Variants in FHIT observed in about 807,000 individuals in gnomAD.
FHIT encodes bis(5'-adenosyl)-triphosphatase.
Under a neutral mutation model 17.9 loss-of-function variants are expected in FHIT, and 19 were observed. The ratio of observed to expected loss-of-function variants is 1.06; its 90% CI spans 0.74 to 1.56. The LOEUF is 1.56. FHIT is among the 40% of genes most tolerant of loss of function. FHIT has a pLI of 0.00. For missense variants in FHIT, 248 were observed against 189.2 expected (o/e 1.31, Z -1.82); for synonymous variants, 81 against 69.7 (o/e 1.16, Z -0.81).
intron 3 of FHIT, among the ~76,000 whole-genome samples, chr3:60,828,110 A>G (rs1228257921): frequency 6.6e-6 from 1 of 152,186 alleles, no homozygotes; most frequent in East Asian, 1.9e-4. Flanking sequence ...CTATTTGGTA[A>G]AATAAGGATA....
rs74723386 is a variant in FHIT, at chr3:59,871,340, C to T, written c.348+51006G>A. ...TAGATAACCTGAATTTTGCTGTGTG[C>T]GCTATTAATAACTAATATTTGTAAG... On this transcript the variant is annotated intron_variant, in intron 8 of 9. Coordinates refer to ENST00000492590, the MANE Select transcript of FHIT (RefSeq NM_002012.4). Among the ~76,000 whole-genome samples, 34 of 152,146 alleles carry T rather than the reference C, an allele frequency of 2.2e-4. No homozygotes were observed. The East Asian group carries it at 4.3e-3, about 19-fold the overall frequency.
rs1454859845 is a variant in FHIT, at chr3:60,995,567, A to C, written c.-111+46480T>G. Among the ~76,000 whole-genome samples, 3 of 152,124 alleles carry C rather than the reference A, an allele frequency of 2.0e-5. 1 individual carries two copies. The highest frequency in any genetic ancestry group is 2.0e-4 in the Admixed American group (3 of 15,268). On this transcript the variant is annotated intron_variant, in intron 3 of 9. Transcript: ENST00000492590. ...GTCCCAGCGGTCTTTCCCTCTCCCCAGACCGTGACCTGGATGTTATGCAGA... is the reference window on the plus strand; with the variant it reads ...GTCCCAGCGGTCTTTCCCTCTCCCCCGACCGTGACCTGGATGTTATGCAGA...
At chr3:60,950,485 C>T (rs1428849118) in intron 3 of FHIT, among the ~76,000 whole-genome samples, 4,019 of 140,462 alleles carry the variant, frequency 0.029, 181 homozygotes, top group African/African-American at 0.098. Flanking sequence ...GCTTTTTTTT[C>T]TTTTTTTTTT....
rs147953218 is a variant in FHIT at position 60,763,196 on chromosome 3, T to C, written c.-18+58723A>G. Reference sequence around the variant, plus strand: ...CGAGACAGAATGTGTAAAAGTGCTGTGCTGTGTTAAGTTACAAAGCCCAAT... The same window carrying C: ...CGAGACAGAATGTGTAAAAGTGCTGCGCTGTGTTAAGTTACAAAGCCCAAT... On this transcript the variant is annotated intron_variant, in intron 4 of 9. Coordinates refer to ENST00000492590, the MANE Select transcript of FHIT (RefSeq NM_002012.4). Among the ~76,000 whole-genome samples, 664 of 152,246 alleles carry C rather than the reference T, an allele frequency of 4.4e-3. 4 individuals are homozygous for C. Among genetic ancestry groups the C allele is most frequent in the Middle Eastern group, 0.01 (3 of 294 alleles).
At chr3:60,434,593 C>T (rs2030040707) in intron 5 of FHIT, among the ~76,000 whole-genome samples, 1 of 152,014 alleles carries the variant, frequency 6.6e-6, no homozygotes, top group African/African-American at 2.4e-5. Context: ...TGTACATTAC[C>T]TTGTCTCTAT....
intron 3 of FHIT, among the ~76,000 whole-genome samples, chr3:61,007,790 C>T (rs1431577297): frequency 6.6e-6 from 1 of 152,156 alleles, no homozygotes; most frequent in Non-Finnish European, 1.5e-5. Flanking sequence ...GGTGTTGCTG[C>T]CCATCTTCTC....
intron 8 of FHIT, among the ~76,000 whole-genome samples, chr3:59,799,284 G>C (rs1699901009): frequency 6.6e-6 from 1 of 152,156 alleles, no homozygotes. Flanking sequence ...GACTTTGTTT[G>C]ACCTCCCTGA....
chr3:60,976,104 T>TTTC (rs1710232771), intron 3 of FHIT, among the ~76,000 whole-genome samples: 1 of 120,706 alleles, frequency 8.3e-6, no homozygotes, highest in African/African-American at 3.3e-5. Context: ...TTCTTTTTTT[T>TTTC]TTTTTTTTTT....
At chr3:59,985,204 T>C (rs538390225) in intron 7 of FHIT, among the ~76,000 whole-genome samples, 1 of 152,250 alleles carries the variant, frequency 6.6e-6, no homozygotes, top group African/African-American at 2.4e-5. Flanking sequence ...ATCTGGGGAT[T>C]GAACTGGCAT....
chr3:60,730,803 C>G lies in FHIT; in HGVS notation c.-18+91116G>C, dbSNP rs145534696. Among the ~76,000 whole-genome samples the G allele has an allele frequency of 2.0e-4, 31 of 152,194 alleles. No homozygotes were observed. The East Asian group carries it at 5.8e-3, about 28-fold the overall frequency. On this transcript the variant is annotated intron_variant, in intron 4 of 9. Transcript: ENST00000492590. The stretch of plus-strand genomic sequence containing the variant: ...CTGGGAGGTACTGTAAATAAATGAA[C>G]AGAGAAGTCTAGTGTTAAGAAAAAT...
At chr3:60,205,875 G>A (rs978515406) in intron 5 of FHIT, among the ~76,000 whole-genome samples, 5 of 151,886 alleles carry the variant, frequency 3.3e-5, no homozygotes, top group East Asian at 1.9e-4. Context: ...TTGGGAGGCC[G>A]AGGGGGGCAG....
At chr3:59,953,465 G>A (rs1426724347) in intron 7 of FHIT, among the ~76,000 whole-genome samples, 1 of 152,086 alleles carries the variant, frequency 6.6e-6, no homozygotes, top group African/African-American at 2.4e-5. Flanking sequence ...TTCCCGGCCA[G>A]GTATGCCAGC....
intron 5 of FHIT, among the ~76,000 whole-genome samples, chr3:60,172,360 G>A (rs1045525464): frequency 6.6e-6 from 1 of 152,072 alleles, no homozygotes; most frequent in African/African-American, 2.4e-5. Flanking sequence ...CCATCTCCCA[G>A]GTTTGAGTGA....
chr3:60,633,651 A>T (rs2039504283), intron 4 of FHIT, among the ~76,000 whole-genome samples: 1 of 152,206 alleles, frequency 6.6e-6, no homozygotes. Flanking sequence ...TCACTTGGGA[A>T]AGGAAACTGT....
At chr3:60,156,787 T>C (rs17062367) in intron 5 of FHIT, among the ~76,000 whole-genome samples, 5,319 of 152,224 alleles carry the variant, frequency 0.035, 136 homozygotes, top group Non-Finnish European at 0.048. Flanking sequence ...GTTTGAGGAT[T>C]TTATTTCAAT....
intron 3 of FHIT, among the ~76,000 whole-genome samples, chr3:60,885,105 G>C (rs923015704): frequency 1.6e-4 from 25 of 151,994 alleles, no homozygotes; most frequent in Admixed American, 1.4e-3. Context: ...CAGCTAGATA[G>C]AAGGAATAAG....
chr3:60,013,207 A>G (rs1480480553), intron 6 of FHIT, among the ~76,000 whole-genome samples: 1 of 152,182 alleles, frequency 6.6e-6, no homozygotes, highest in Non-Finnish European at 1.5e-5. Context: ...TATGGTAAAG[A>G]GCTAAGGAGG....
intron 8 of FHIT, among the ~76,000 whole-genome samples, chr3:59,873,145 A>G (rs1702997911): frequency 6.6e-6 from 1 of 152,176 alleles, no homozygotes. Flanking sequence ...GGATAGTTAC[A>G]GTGCCCCTCA....
chr3:60,517,082 G>A (rs904082274), intron 5 of FHIT, among the ~76,000 whole-genome samples: 12 of 152,116 alleles, frequency 7.9e-5, no homozygotes, highest in African/African-American at 1.2e-4. Flanking sequence ...AAAACATGTC[G>A]AGAAGTTGTT....
Sources: gnomAD v4.1 joint callset for allele counts (sites outside exome capture counted in the v4.1 genomes callset) on GRCh38, gnomAD v4.1.1 for gene constraint, MANE v1.5 for transcripts, NCBI Gene and HGNC (gene_info 2026-07-23, HGNC 2026-07-21) for gene names.